Variants in ADGRD1 observed in about 807,000 individuals in gnomAD.
ADGRD1 encodes G-protein coupled receptor 133.
A neutral mutation model predicts 113.4 loss-of-function variants in ADGRD1; 77 were observed. The ratio of observed to expected loss-of-function variants is 0.68; its 90% CI spans 0.57 to 0.82. The LOEUF (loss-of-function observed/expected upper bound fraction) is 0.82. Among genes scored for constraint, ADGRD1 ranks in the 40% least tolerant of loss-of-function variants. The probability of loss-of-function intolerance (pLI) is 0.00; values close to 1 mark genes in which losing one functional copy is unlikely to be tolerated. For missense variants in ADGRD1, 1,036 were observed against 1,139.1 expected, an observed-to-expected ratio of 0.91 and a Z score of 1.30; for synonymous variants, 474 against 475.0, an observed-to-expected ratio of 1.00 and a Z score of 0.03.
At chr12:131,110,892 TAA>T (rs943151997) in intron 18 of ADGRD1, among the ~76,000 whole-genome samples, 1 of 152,260 alleles carries the variant, frequency 6.6e-6, no homozygotes, top group Non-Finnish European at 1.5e-5. Context: ...TTTCTAGATA[TAA>T]GATTCTTTTT....
At chr12:131,087,569 G>C (rs866986079) in intron 15 of ADGRD1, among the ~76,000 whole-genome samples, 1 of 152,258 alleles carries the variant, frequency 6.6e-6, no homozygotes, top group South Asian at 2.1e-4. Context: ...CTGTTGTGAG[G>C]CTGGTGGGAC....
chr12:131,129,579 C>T (rs1950857284), intron 20 of ADGRD1, among the ~76,000 whole-genome samples: 1 of 152,106 alleles, frequency 6.6e-6, no homozygotes, highest in South Asian at 2.1e-4. Flanking sequence ...GAGGCCCCCG[C>T]CTGTGTCAGT....
At chr12:131,028,468 C>G (rs569612568) in intron 13 of ADGRD1, among the ~76,000 whole-genome samples, 2 of 152,250 alleles carry the variant, frequency 1.3e-5, no homozygotes, top group African/African-American at 4.8e-5. Context: ...GTTTATCAAG[C>G]TCTTCTGTAT....
chr12:131,101,380 T>C (rs1389313581), intron 15 of ADGRD1, among the ~76,000 whole-genome samples: 5 of 61,340 alleles, frequency 8.2e-5, no homozygotes, highest in Admixed American at 2.7e-4. Flanking sequence ...TTTCTTTCTT[T>C]TTTTTTTTTT....
chr12:130,980,813 A>G (rs1474680845), intron 4 of ADGRD1: 2 of 152,252 alleles, frequency 1.3e-5, no homozygotes, highest in African/African-American at 4.8e-5. Context: ...CAAAGGTACA[A>G]TATCTAATTG....
At position 130,954,942 on chromosome 12, in the gene ADGRD1, T is replaced by G. The variant is rs1272361920; in HGVS notation, c.103+282T>G. ...GATCTTCATTTGAATGCCTTCTGCCTCTTTCTTTCTCTCTTTCTCTCTTTC... is the reference window on the plus strand; with the variant it reads ...GATCTTCATTTGAATGCCTTCTGCCGCTTTCTTTCTCTCTTTCTCTCTTTC... On this transcript the variant is annotated intron_variant, in intron 2 of 24. Coordinates refer to ENST00000261654, the MANE Select transcript of ADGRD1 (RefSeq NM_198827.5). This position sits in a 1 kb window ranked among gnomAD's most constrained non-coding sequence, Gnocchi z 4.7. Among the ~76,000 whole-genome samples the G allele has an allele frequency of 6.6e-6, 1 of 151,850 alleles. No individual in the cohort carries two copies. The highest frequency in any genetic ancestry group is 1.5e-5 in the Non-Finnish European group (1 of 67,978).
chr12:131,101,670 A>AAT (rs1950092286), intron 15 of ADGRD1, among the ~76,000 whole-genome samples: 1 of 152,088 alleles, frequency 6.6e-6, no homozygotes, highest in Non-Finnish European at 1.5e-5. Flanking sequence ...GGCGTGAGCC[A>AAT]CTGTGTCTGG....
At chr12:131,056,311 G>C (rs141916301) in intron 13 of ADGRD1, among the ~76,000 whole-genome samples, 1 of 152,274 alleles carries the variant, frequency 6.6e-6, no homozygotes, top group African/African-American at 2.4e-5. Flanking sequence ...CCCAAGTTGC[G>C]GCATTGGAAA....
At chr12:131,013,556 C>T (rs1474369113) in intron 12 of ADGRD1, among the ~76,000 whole-genome samples, 4 of 152,172 alleles carry the variant, frequency 2.6e-5, no homozygotes, top group South Asian at 4.1e-4. Flanking sequence ...CTGAGGGCTG[C>T]GGTGCACTGA....
At chr12:131,110,522 ACAT>A (rs1950326096) in intron 18 of ADGRD1, among the ~76,000 whole-genome samples, 1 of 152,204 alleles carries the variant, frequency 6.6e-6, no homozygotes, top group Non-Finnish European at 1.5e-5. Flanking sequence ...TATACATGTT[ACAT>A]CTGTATAAGG....
intron 8 of ADGRD1, among the ~76,000 whole-genome samples, chr12:130,992,693 A>G (rs192898255): frequency 9.6e-4 from 146 of 152,330 alleles, no homozygotes; most frequent in African/African-American, 3.4e-3. Flanking sequence ...CAACTCCTAG[A>G]CTAAATAAAC....
intron 15 of ADGRD1, among the ~76,000 whole-genome samples, chr12:131,095,890 G>A (rs1272001521): frequency 1.3e-5 from 2 of 152,158 alleles, no homozygotes; most frequent in Admixed American, 1.3e-4. Context: ...GGAGACAGAG[G>A]GGTTCTGTAG....
At chr12:131,059,284 G>A (rs1884126767) in intron 13 of ADGRD1, among the ~76,000 whole-genome samples, 2 of 151,992 alleles carry the variant, frequency 1.3e-5, no homozygotes, top group Admixed American at 6.6e-5. Flanking sequence ...AGTGATTCTC[G>A]TGCCTCAGCC....
At position 131,084,643 on chromosome 12, in the gene ADGRD1, A is replaced by G. The variant is rs1192151954; in HGVS notation, c.1651A>G (p.Met551Val). The change falls in exon 15 of 25, where the codon ATG (methionine) becomes GTG (valine). Residue 551 changes from methionine to valine, a missense_variant. Coordinates refer to ENST00000261654, the MANE Select transcript of ADGRD1 (RefSeq NM_198827.5). This position sits in a 1 kb window ranked among gnomAD's most constrained non-coding sequence, Gnocchi z 4.5. The part of the protein sequence containing the change: ...CTHLTNFAIL[M>V]QVVPLELARG... ...TCACCTCACCAACTTTGCCATCCTC[A>G]TGCAGGTGGTCCCGCTGGAGGTAAG... is the stretch of plus-strand genomic sequence containing the variant. The G allele has an allele frequency of 3.7e-6, 6 of 1,613,818 alleles. No individual in the cohort carries two copies. In the African/African-American group the frequency reaches 4.0e-5, roughly 11 times the overall value.
In ADGRD1 at chr12:131,003,151, A is replaced by G; in HGVS notation, c.1027-34A>G. 1 of 1,552,428 alleles carries G rather than the reference A, an allele frequency of 6.4e-7. No homozygotes were observed. Among genetic ancestry groups the G allele is most frequent in the Non-Finnish European group, 8.9e-7 (1 of 1,124,324 alleles). ...CTGGTGCCCTGGCTGAGTGGGGTGG[A>G]TTTTCATGGCTCCTGGTGCTTGTGT... On this transcript the variant is annotated intron_variant, in intron 9 of 24. Transcript: ENST00000261654. This position sits in a 1 kb window ranked among gnomAD's most constrained non-coding sequence, Gnocchi z 4.8.
At chr12:130,960,652 A>ATC (rs1278490585) in intron 2 of ADGRD1, among the ~76,000 whole-genome samples, 1 of 16,388 alleles carries the variant, frequency 6.1e-5, no homozygotes, top group African/African-American at 8.7e-5. Context: ...AAATGCAAAA[A>ATC]TCTCTCTCTC....
chr12:131,045,045 G>A lies in ADGRD1; in HGVS notation c.1473+30705G>A, dbSNP rs532307442. Reference sequence around the variant, plus strand: ...GCGTGCCGGTGGGTTTCTGCGGCGTGTGCCACGCAGTGGTGTTGCAGCGCC... The same window carrying A: ...GCGTGCCGGTGGGTTTCTGCGGCGTATGCCACGCAGTGGTGTTGCAGCGCC... On this transcript the variant is annotated intron_variant, in intron 13 of 24. Coordinates refer to ENST00000261654, the MANE Select transcript of ADGRD1 (RefSeq NM_198827.5). Among the ~76,000 whole-genome samples the A allele has an allele frequency of 2.7e-4, 41 of 152,374 alleles. No homozygotes were observed. In the South Asian group the frequency reaches 8.5e-3, roughly 32 times the overall value.
chr12:131,002,674 G>A (rs970005005), intron 9 of ADGRD1: 10 of 1,163,306 alleles, frequency 8.6e-6, no homozygotes, highest in South Asian at 1.6e-5. Flanking sequence ...AGGGCTCTTG[G>A]AGTAGAAGGC....
intron 13 of ADGRD1, among the ~76,000 whole-genome samples, chr12:131,032,188 T>C (rs28549767): frequency 0.11 from 16,714 of 152,028 alleles, 1,261 homozygotes; most frequent in Non-Finnish European, 0.16. Context: ...ACTGAAGCCC[T>C]CTCCTAGGCT....
Sources: gnomAD v4.1 joint callset for allele counts (sites outside exome capture counted in the v4.1 genomes callset) on GRCh38, gnomAD v4.1.1 for gene constraint, Gnocchi (gnomAD v3.1) non-coding constraint, MANE v1.5 for transcripts, NCBI Gene and HGNC (gene_info 2026-07-23, HGNC 2026-07-21) for gene names.